The following ATP2A1 variants were observed in gnomAD, a reference collection of about 807,000 sequenced individuals.
The protein encoded by ATP2A1 is sarcoplasmic/endoplasmic reticulum calcium ATPase 1.
In ATP2A1, 83 loss-of-function variants were observed where a neutral mutation model predicts 109.5. That is an observed-to-expected ratio of 0.76 (90% confidence interval 0.63 to 0.91). The LOEUF is 0.91. Ranked by LOEUF, ATP2A1 falls within the 40% of genes least tolerant of loss-of-function variation. ATP2A1 has a pLI of 0.00. For synonymous variants in ATP2A1, 505 were observed against 537.6 expected, an observed-to-expected ratio of 0.94 and a Z score of 0.84; for missense variants, 1,101 against 1,341.0, an observed-to-expected ratio of 0.82 and a Z score of 2.80.
At chr16:28,891,453 C>T (rs1269406592) in intron 9 of ATP2A1, among the ~76,000 whole-genome samples, 1 of 151,762 alleles carries the variant, frequency 6.6e-6, no homozygotes, top group Non-Finnish European at 1.5e-5. Context: ...ATTAGCTGGG[C>T]GTGGTGGCAC....
In ATP2A1 at chr16:28,903,584, T is replaced by G; in HGVS notation, c.2981-116T>G. On this transcript the variant is annotated intron_variant, in intron 21 of 22. Transcript: ENST00000395503. This position sits in a 1 kb window ranked among gnomAD's most constrained non-coding sequence, Gnocchi z 5.6. Reference sequence around the variant, plus strand: ...GTGTCCGCCCCGTTCCCCCTGCGCCTGCAGGGGCCACATCTCCGGGGCAGC... The same window carrying G: ...GTGTCCGCCCCGTTCCCCCTGCGCCGGCAGGGGCCACATCTCCGGGGCAGC... The G allele has an allele frequency of 2.6e-6, 3 of 1,145,700 alleles. No individual in the cohort carries two copies. Among genetic ancestry groups the G allele is most frequent in the Non-Finnish European group, 3.9e-6 (3 of 767,150 alleles). 71.0% of individuals were successfully genotyped at this position (1,145,700 alleles called of 1,614,324 possible).
chr16:28,897,845 C>G (rs1963960460), intron 12 of ATP2A1, among the ~76,000 whole-genome samples, 155 bp from the exon 13 acceptor site: 1 of 152,172 alleles, frequency 6.6e-6, no homozygotes. Flanking sequence ...GACCCTGAAG[C>G]ACTGTGGCAA....
At chr16:28,881,088 C>T (rs1963459438) in intron 4 of ATP2A1, 69 bp downstream of exon 4, 1 of 1,428,108 alleles carries the variant, frequency 7.0e-7, no homozygotes, top group Non-Finnish European at 9.9e-7. Context: ...TCCCTCCAGT[C>T]TCCTCCTCCT....
intron 12 of ATP2A1, among the ~76,000 whole-genome samples, chr16:28,896,881 C>A (rs577869996): frequency 6.6e-6 from 1 of 151,426 alleles, no homozygotes; most frequent in South Asian, 2.1e-4. Context: ...TTAGTAGAGA[C>A]GGGGTTTCTC....
chr16:28,893,356 T>G (rs1322905890), intron 9 of ATP2A1, among the ~76,000 whole-genome samples: 1 of 151,698 alleles, frequency 6.6e-6, no homozygotes, highest in Non-Finnish European at 1.5e-5. Flanking sequence ...CAATGAGCTA[T>G]GATCACACCA....
intron 9 of ATP2A1, among the ~76,000 whole-genome samples, chr16:28,892,154 A>G (rs1963789263): frequency 6.6e-6 from 1 of 152,206 alleles, no homozygotes; most frequent in African/African-American, 2.4e-5. Flanking sequence ...TGATAGGAGG[A>G]AAGTATCTGT....
intron 10 of ATP2A1, 129 bp from the exon 11 acceptor site, chr16:28,894,376 T>C: frequency 7.8e-7 from 1 of 1,284,708 alleles, no homozygotes; most frequent in East Asian, 2.5e-5. Context: ...TCTCTCCTGA[T>C]ATCCGAGTTG....
chr16:28,879,812 C>A, intron 3 of ATP2A1: 1 of 659,522 alleles, frequency 1.5e-6, no homozygotes, highest in Non-Finnish European at 2.5e-6. Flanking sequence ...AGCCAAAACA[C>A]CGAAGCTAAG....
intron 6 of ATP2A1, among the ~76,000 whole-genome samples, chr16:28,886,923 G>A (rs892011626): frequency 4.0e-5 from 6 of 151,386 alleles, no homozygotes; most frequent in South Asian, 2.1e-4. Context: ...GCCTGAACCC[G>A]GGAGGTTGCA....
chr16:28,904,396 G>C lies in ATP2A1; in HGVS notation c.*254G>C. ...TAAATTCCCCTTCCCAACCCCGAGG[G>C]GCTTGCAGGGACAAGGCGACCGACT... On this transcript the variant is annotated 3_prime_UTR_variant, in exon 23 of 23. Coordinates refer to ENST00000395503, the MANE Select transcript of ATP2A1 (RefSeq NM_004320.6). 1 of 1,535,798 alleles carries C rather than the reference G, an allele frequency of 6.5e-7. No homozygotes were observed. Among genetic ancestry groups the C allele is most frequent in the Non-Finnish European group, 8.7e-7 (1 of 1,146,642 alleles).
At chr16:28,895,120 T>C (rs1963882113) in intron 12 of ATP2A1, among the ~76,000 whole-genome samples, 167 bp downstream of exon 12, 1 of 152,214 alleles carries the variant, frequency 6.6e-6, no homozygotes, top group Non-Finnish European at 1.5e-5. Flanking sequence ...GTGGGACCCA[T>C]TGTCCCTGGG....
intron 15 of ATP2A1, 31 bp from the exon 16 acceptor site, chr16:28,901,832 G>A: frequency 6.3e-7 from 1 of 1,582,498 alleles, no homozygotes; most frequent in Non-Finnish European, 8.7e-7. Flanking sequence ...GTGTGAAGGT[G>A]CCCTAAGCCC....
chr16:28,904,315 A>G lies in ATP2A1; in HGVS notation c.*173A>G. 1 of 1,600,302 alleles carries G rather than the reference A, an allele frequency of 6.2e-7. No homozygotes were observed. The highest frequency in any genetic ancestry group is 2.3e-5 in the East Asian group (1 of 44,208). ...CACCCGTGTCATGTGTCTGTTTATA[A>G]ACATGTCCCCTTCCCTTTCCTTCCC... On this transcript the variant is annotated 3_prime_UTR_variant, in exon 23 of 23. Coordinates refer to ENST00000395503, the MANE Select transcript of ATP2A1 (RefSeq NM_004320.6).
Position 28,894,548 on chromosome 16 carries a change from C to T in ATP2A1, c.1228C>T (p.Leu410=), listed in dbSNP as rs1327170640. The change falls in exon 11 of 23, where the codon CTG becomes TTG. Residue 410 remains leucine (L), a synonymous_variant. Coordinates refer to ENST00000395503, the MANE Select transcript of ATP2A1 (RefSeq NM_004320.6). ...AGTCCGGCCAGGGCAGTATGACGGG[C>T]TGGTGGAGCTGGCCACCATCTGTGC... The part of the protein sequence containing the change: ...KPVRPGQYDG[L]VELATICALC... 5.6e-6 allele frequency: 9 copies of T among 1,614,010 alleles called. No homozygotes were observed. The highest frequency in any genetic ancestry group is 7.6e-6 in the Non-Finnish European group (9 of 1,180,040).
chr16:28,901,794 A>T, intron 15 of ATP2A1, 69 bp from the exon 16 acceptor site: 1 of 1,404,002 alleles, frequency 7.1e-7, no homozygotes, highest in Admixed American at 1.9e-5. Flanking sequence ...TCATCCCTAA[A>T]ATAAAACCTT....
chr16:28,894,272 C>T (rs760756604), intron 10 of ATP2A1, 29 bp downstream of exon 10: 3 of 1,596,408 alleles, frequency 1.9e-6, no homozygotes, highest in Admixed American at 3.4e-5. Flanking sequence ...TTCTCCCCAG[C>T]TCCTCACGCC....
In ATP2A1 at chr16:28,903,000, G is replaced by A; in HGVS notation, c.2745-30G>A. 6.2e-7 allele frequency: 1 copy of A among 1,613,176 alleles called. No individual in the cohort carries two copies. The highest frequency in any genetic ancestry group is 2.2e-5 in the East Asian group (1 of 44,856). ...GCCGCCCACCTCCTTCCTCCTCACT[G>A]TGCCTTCTCCCTCCCCTTCCCCTCT... is the stretch of plus-strand genomic sequence containing the variant. On this transcript the variant is annotated intron_variant, in intron 19 of 22. Coordinates refer to ENST00000395503, the MANE Select transcript of ATP2A1 (RefSeq NM_004320.6). The surrounding 1 kb of genome is among the most constrained non-coding windows in gnomAD (Gnocchi z 4.8).
At chr16:28,878,863 C>A in intron 1 of ATP2A1, 74 bp downstream of exon 1, 1 of 1,488,722 alleles carries the variant, frequency 6.7e-7, no homozygotes, top group Non-Finnish European at 9.4e-7. Context: ...CACGCATGCA[C>A]GCGTTTCTCC....
chr16:28,897,726 T>C (rs1963956987), intron 12 of ATP2A1, among the ~76,000 whole-genome samples: 1 of 152,102 alleles, frequency 6.6e-6, no homozygotes, highest in South Asian at 2.1e-4. Flanking sequence ...CGCCTCAGCC[T>C]CCTGAAGTGC....
Sources: allele counts gnomAD v4.1 joint callset (sites outside exome capture counted in the v4.1 genomes callset), GRCh38; gene constraint gnomAD v4.1.1; non-coding constraint Gnocchi (gnomAD v3.1); transcripts MANE v1.5; gene names NCBI Gene and HGNC (gene_info 2026-07-23, HGNC 2026-07-21).